PDE7B: variants seen among roughly 807,000 people sequenced by gnomAD.
The protein encoded by PDE7B is phosphodiesterase 7B.
Under a neutral mutation model 56.2 loss-of-function variants are expected in PDE7B, and 29 were observed. That is an observed-to-expected ratio of 0.52 (90% confidence interval 0.38 to 0.70). The LOEUF (loss-of-function observed/expected upper bound fraction) is 0.70. PDE7B is among the 30% of genes least tolerant of loss of function. The pLI is 0.00. For synonymous variants in PDE7B, 197 were observed against 196.9 expected (o/e 1.00, Z 0.00); for missense variants, 490 against 565.0 (o/e 0.87, Z 1.35).
At chr6:135,997,891 T>A (rs1371243965) in intron 2 of PDE7B, among the ~76,000 whole-genome samples, 1 of 152,192 alleles carries the variant, frequency 6.6e-6, no homozygotes, top group Non-Finnish European at 1.5e-5. Context: ...TTCTTTTTAA[T>A]ACTGCCTTTT....
At chr6:136,117,627 A>G (rs1342239607) in intron 3 of PDE7B, among the ~76,000 whole-genome samples, 1 of 152,210 alleles carries the variant, frequency 6.6e-6, no homozygotes, top group African/African-American at 2.4e-5. Flanking sequence ...AAGTCCCAAG[A>G]AGAAGGTGGC....
intron 6 of PDE7B, among the ~76,000 whole-genome samples, chr6:136,153,707 T>TA (rs1047836803): frequency 6.5e-4 from 99 of 152,300 alleles, no homozygotes; most frequent in African/African-American, 2.2e-3. Flanking sequence ...ATATTATTTA[T>TA]AAACAGCAGA....
chr6:135,919,070 A>G (rs529960075), intron 1 of PDE7B, among the ~76,000 whole-genome samples: 1 of 152,314 alleles, frequency 6.6e-6, no homozygotes, highest in South Asian at 2.1e-4. Flanking sequence ...TTTCAGTTCA[A>G]CTGAGTATGG....
chr6:136,004,399 G>T (rs1775737048), intron 2 of PDE7B, among the ~76,000 whole-genome samples: 1 of 152,078 alleles, frequency 6.6e-6, no homozygotes, highest in African/African-American at 2.4e-5. Flanking sequence ...ATTAGGAAAA[G>T]AGGAAGTCAA....
At chr6:136,003,751 A>G (rs1005982972) in intron 2 of PDE7B, among the ~76,000 whole-genome samples, 5 of 152,248 alleles carry the variant, frequency 3.3e-5, no homozygotes, top group Non-Finnish European at 7.3e-5. Flanking sequence ...AGATGGATTC[A>G]CAGCCGAATT....
chr6:136,042,194 A>G (rs1776424927), intron 2 of PDE7B, among the ~76,000 whole-genome samples: 1 of 152,250 alleles, frequency 6.6e-6, no homozygotes, highest in South Asian at 2.1e-4. Flanking sequence ...ATCAATAGAA[A>G]GTCAGCTTAC....
At chr6:135,935,141 A>T (rs1774389630) in intron 1 of PDE7B, among the ~76,000 whole-genome samples, 6 of 93,570 alleles carry the variant, frequency 6.4e-5, no homozygotes, top group African/African-American at 2.6e-4. Context: ...GTATATATTT[A>T]TATATAAATA....
At chr6:136,077,950 C>A (rs1283576424) in intron 2 of PDE7B, among the ~76,000 whole-genome samples, 1 of 152,194 alleles carries the variant, frequency 6.6e-6, no homozygotes, top group Non-Finnish European at 1.5e-5. Context: ...CCTGGCCAGG[C>A]TTCCTGATTC....
rs752175988 is a variant in PDE7B, at chr6:136,108,773, G to A, written c.125G>A (p.Arg42His). The change falls in exon 3 of 13, where the codon CGC becomes CAC. Residue 42 changes from arginine (R) to histidine (H), a missense_variant. By Grantham distance (29) the Arg-to-His change is conservative. Transcript: ENST00000308191. The part of the protein sequence containing the change: ...LRGQTGVRAE[R>H]RGSYPFIDFR... ...GGTCAGACGGGGGTTCGTGCTGAACGCCGTGGCTCCTACCCATTCATTGAC... is the reference window on the plus strand; with the variant it reads ...GGTCAGACGGGGGTTCGTGCTGAACACCGTGGCTCCTACCCATTCATTGAC... 16 of 1,611,650 alleles carry A rather than the reference G, an allele frequency of 9.9e-6. No individual in the cohort carries two copies. Among genetic ancestry groups the A allele is most frequent in the South Asian group, 3.3e-5 (3 of 91,040 alleles).
At chr6:135,903,635 A>G (rs1776045047) in intron 1 of PDE7B, among the ~76,000 whole-genome samples, 1 of 152,234 alleles carries the variant, frequency 6.6e-6, no homozygotes, top group South Asian at 2.1e-4. Context: ...TCAGGGCCAA[A>G]GAGGTCCATG....
At chr6:136,168,198 A>T (rs1201828854) in intron 8 of PDE7B, among the ~76,000 whole-genome samples, 1 of 152,210 alleles carries the variant, frequency 6.6e-6, no homozygotes, top group Non-Finnish European at 1.5e-5. Flanking sequence ...CTAACATGAT[A>T]TTTATTTGGA....
intron 2 of PDE7B, among the ~76,000 whole-genome samples, chr6:135,975,035 C>A (rs1260255893): frequency 2.0e-5 from 3 of 151,974 alleles, no homozygotes; most frequent in Non-Finnish European, 4.4e-5. Flanking sequence ...GGTGCTGAGG[C>A]CCCTGGAGAG....
intron 2 of PDE7B, among the ~76,000 whole-genome samples, chr6:136,070,643 T>C (rs752766727): frequency 2.0e-5 from 3 of 152,278 alleles, no homozygotes; most frequent in Non-Finnish European, 4.4e-5. Context: ...TTAAAAAACA[T>C]TGAAAATTTT....
intron 2 of PDE7B, among the ~76,000 whole-genome samples, chr6:136,060,835 T>C (rs1200505673): frequency 2.0e-5 from 3 of 152,162 alleles, no homozygotes; most frequent in Non-Finnish European, 4.4e-5. Context: ...AAGCCTAGAG[T>C]TCTTTTCACT....
intron 1 of PDE7B, among the ~76,000 whole-genome samples, chr6:135,866,552 T>C (rs2128185680): frequency 6.6e-6 from 1 of 152,308 alleles, no homozygotes; most frequent in South Asian, 2.1e-4. Flanking sequence ...TTACAGATTC[T>C]GCCTTTCATC....
At chr6:135,934,823 TAATAAA>T (rs1390119936) in intron 1 of PDE7B, among the ~76,000 whole-genome samples, 40 of 75,060 alleles carry the variant, frequency 5.3e-4, no homozygotes, top group South Asian at 1.3e-3. Flanking sequence ...TATATATATT[TAATAAA>T]TAAATATATA....
At chr6:136,005,894 A>T (rs867420084) in intron 2 of PDE7B, among the ~76,000 whole-genome samples, 12 of 152,208 alleles carry the variant, frequency 7.9e-5, no homozygotes, top group Middle Eastern at 6.8e-3. Context: ...TGCTATAAAG[A>T]CACATGCACG....
intron 2 of PDE7B, among the ~76,000 whole-genome samples, chr6:136,041,056 T>C (rs1473378355): frequency 6.6e-6 from 1 of 152,212 alleles, no homozygotes; most frequent in Non-Finnish European, 1.5e-5. Context: ...TGTGTATATT[T>C]TGACTGCTTG....
At chr6:136,066,852 C>CATTTTTT (rs1554277540) in intron 2 of PDE7B, among the ~76,000 whole-genome samples, 1 of 138,292 alleles carries the variant, frequency 7.2e-6, no homozygotes. Context: ...TAACCATAAC[C>CATTTTTT]TTTTTTTTTT....
Sources: allele counts gnomAD v4.1 joint callset (sites outside exome capture counted in the v4.1 genomes callset), GRCh38; gene constraint gnomAD v4.1.1; transcripts MANE v1.5; gene names NCBI Gene and HGNC (gene_info 2026-07-23, HGNC 2026-07-21).